The following MAST4 variants were observed in gnomAD, a reference collection of about 807,000 sequenced individuals.
MAST4 encodes microtubule associated serine/threonine kinase family member 4.
Under a neutral mutation model 162.7 loss-of-function variants are expected in MAST4, and 89 were observed. The ratio of observed to expected loss-of-function variants is 0.55; its 90% CI spans 0.46 to 0.65. The LOEUF (loss-of-function observed/expected upper bound fraction) is 0.65. Among genes scored for constraint, MAST4 ranks in the 30% least tolerant of loss-of-function variants. MAST4 has a pLI of 0.00. For missense variants in MAST4, 3,153 were observed against 3,374.0 expected, an observed-to-expected ratio of 0.93 and a Z score of 1.62; for synonymous variants, 1,479 against 1,361.1, an observed-to-expected ratio of 1.09 and a Z score of -1.91.
intron 4 of MAST4, among the ~76,000 whole-genome samples, chr5:66,938,209 A>C (rs760850946): frequency 6.6e-6 from 1 of 152,196 alleles, no homozygotes; most frequent in Non-Finnish European, 1.5e-5. Context: ...ATTATGGTAG[A>C]TGTTTTTTCT....
At chr5:67,082,425 G>A (rs1762777805) in intron 5 of MAST4, among the ~76,000 whole-genome samples, 1 of 152,108 alleles carries the variant, frequency 6.6e-6, no homozygotes, top group African/African-American at 2.4e-5. Context: ...GAGCCACCGT[G>A]GCCAGCCTAC....
At chr5:66,598,864 C>T (rs566681921) in intron 1 of MAST4, among the ~76,000 whole-genome samples, 1 of 152,254 alleles carries the variant, frequency 6.6e-6, no homozygotes, top group Admixed American at 6.5e-5. Flanking sequence ...ATTGCCTGGC[C>T]TCAGGGTGAC....
chr5:66,767,935 AATCTCCTTTGAC>A (rs1211795685), intron 2 of MAST4, among the ~76,000 whole-genome samples: 1 of 152,148 alleles, frequency 6.6e-6, no homozygotes, highest in Non-Finnish European at 1.5e-5. Context: ...CTCAAATGTT[AATCTCCTTTGAC>A]AACACCCTCA....
At chr5:67,033,733 G>GTT (rs2150447240) in intron 4 of MAST4, among the ~76,000 whole-genome samples, 1 of 152,162 alleles carries the variant, frequency 6.6e-6, no homozygotes, top group South Asian at 2.1e-4. Flanking sequence ...TTGTTTGTTT[G>GTT]TTTCTCTTTA....
intron 1 of MAST4, among the ~76,000 whole-genome samples, chr5:66,740,481 G>T (rs548605034): frequency 1.8e-4 from 28 of 152,298 alleles, no homozygotes; most frequent in African/African-American, 6.5e-4. Context: ...CTCCCAGAAA[G>T]AAGGTCCACG....
chr5:66,631,516 G>A (rs1301334195), intron 1 of MAST4, among the ~76,000 whole-genome samples: 1 of 152,120 alleles, frequency 6.6e-6, no homozygotes, highest in Non-Finnish European at 1.5e-5. Flanking sequence ...GTGTCACCGT[G>A]AGCTGTGGGA....
intron 1 of MAST4, among the ~76,000 whole-genome samples, chr5:66,616,530 C>T (rs1743697163): frequency 6.6e-6 from 1 of 152,170 alleles, no homozygotes; most frequent in African/African-American, 2.4e-5. Flanking sequence ...TCCCAAGGGC[C>T]TTCTCAGAGT....
At chr5:67,144,444 A>G (rs1424796798) in intron 21 of MAST4, among the ~76,000 whole-genome samples, 2 of 121,106 alleles carry the variant, frequency 1.7e-5, no homozygotes, top group Non-Finnish European at 1.8e-5. Context: ...ATAGCTCCCT[A>G]TTCGTATATA....
At chr5:66,828,822 C>T in intron 3 of MAST4, 1 of 1,604,866 alleles carries the variant, frequency 6.2e-7, no homozygotes, top group Non-Finnish European at 8.5e-7. Flanking sequence ...TTGTGAGAGG[C>T]TCAGAGAAAG....
intron 3 of MAST4, among the ~76,000 whole-genome samples, chr5:66,834,421 G>A (rs959011279): frequency 2.0e-5 from 3 of 152,150 alleles, no homozygotes; most frequent in Admixed American, 6.6e-5. Context: ...CTGAACTCTT[G>A]TTGTGCTCCC....
chr5:66,600,250 G>A (rs1456805140), intron 1 of MAST4, among the ~76,000 whole-genome samples: 1 of 152,190 alleles, frequency 6.6e-6, no homozygotes, highest in Non-Finnish European at 1.5e-5. Flanking sequence ...TTTGTTTAAG[G>A]AAACTGTATC....
At chr5:66,986,737 C>T (rs1052525426) in intron 4 of MAST4, among the ~76,000 whole-genome samples, 8 of 151,662 alleles carry the variant, frequency 5.3e-5, no homozygotes, top group Admixed American at 6.6e-5. Flanking sequence ...CCTCCCACTT[C>T]CTGAGTAGCT....
chr5:67,152,266 A>G (rs934089793), intron 24 of MAST4, among the ~76,000 whole-genome samples: 1 of 152,212 alleles, frequency 6.6e-6, no homozygotes, highest in Non-Finnish European at 1.5e-5. Context: ...ATATGCATCT[A>G]TGATTTATTT....
chr5:66,961,914 C>T (rs1165989174), intron 4 of MAST4, among the ~76,000 whole-genome samples: 1 of 152,174 alleles, frequency 6.6e-6, no homozygotes, highest in East Asian at 1.9e-4. Context: ...TAATTCCTTA[C>T]TAATTACAAG....
chr5:66,963,716 C>T, intron 4 of MAST4: 1 of 779,790 alleles, frequency 1.3e-6, no homozygotes, highest in Non-Finnish European at 2.4e-6. Flanking sequence ...GTCTCACTCC[C>T]AGGAGCCTGA....
At chr5:67,097,086 T>C (rs1175519243) in intron 7 of MAST4, among the ~76,000 whole-genome samples, 1 of 152,144 alleles carries the variant, frequency 6.6e-6, no homozygotes, top group Admixed American at 6.5e-5. Flanking sequence ...TCAGTCAAGT[T>C]TTATTATAAC....
At chr5:66,720,939 A>C (rs1213167302) in intron 1 of MAST4, among the ~76,000 whole-genome samples, 4 of 151,996 alleles carry the variant, frequency 2.6e-5, no homozygotes, top group Non-Finnish European at 5.9e-5. Flanking sequence ...AGACTCCCCC[A>C]TCCCATTTCA....
At chr5:66,954,154 C>T (rs1299276262) in intron 4 of MAST4, among the ~76,000 whole-genome samples, 2 of 152,152 alleles carry the variant, frequency 1.3e-5, no homozygotes, top group Non-Finnish European at 2.9e-5. Flanking sequence ...AACCCACCCA[C>T]CTCTACTGAT....
At chr5:66,664,435 C>CAAAAAA (rs58704256) in intron 1 of MAST4, among the ~76,000 whole-genome samples, 18 of 93,904 alleles carry the variant, frequency 1.9e-4, no homozygotes, top group Middle Eastern at 5.7e-3. Flanking sequence ...AACTCCATTT[C>CAAAAAA]AAAAAAAAAA....
Sources: allele counts gnomAD v4.1 joint callset (sites outside exome capture counted in the v4.1 genomes callset), GRCh38; gene constraint gnomAD v4.1.1; transcripts MANE v1.5; gene names NCBI Gene and HGNC (gene_info 2026-07-23, HGNC 2026-07-21).